MECOM: variants seen among roughly 807,000 people sequenced by gnomAD.
The protein encoded by MECOM is MDS1 and EVI1 complex locus, also known as histone-lysine N-methyltransferase MECOM.
Under a neutral mutation model 116.3 loss-of-function variants are expected in MECOM, and 13 were observed. The ratio of observed to expected loss-of-function variants is 0.11; its 90% CI spans 0.07 to 0.18. MECOM has a LOEUF of 0.18. Among genes scored for constraint, MECOM ranks in the 10% least tolerant of loss-of-function variants. The pLI, the probability that MECOM is intolerant of heterozygous loss-of-function variation, is 1.00. For missense variants in MECOM, 1,299 were observed against 1,509.0 expected (o/e 0.86, Z 2.31); for synonymous variants, 528 against 535.2 (o/e 0.99, Z 0.19).
intron 1 of MECOM, among the ~76,000 whole-genome samples, chr3:169,627,062 T>C (rs1771469660): frequency 6.6e-6 from 1 of 152,206 alleles, no homozygotes; most frequent in African/African-American, 2.4e-5. Context: ...ATCAATCAAT[T>C]AATCATTTTA....
At chr3:169,524,313 C>T (rs1048331221) in intron 1 of MECOM, among the ~76,000 whole-genome samples, 7 of 151,764 alleles carry the variant, frequency 4.6e-5, no homozygotes, top group African/African-American at 1.2e-4. Flanking sequence ...TAAAGAGTTG[C>T]GAAATAAAAG....
At chr3:169,103,565 A>T (rs1322805072) in intron 10 of MECOM, among the ~76,000 whole-genome samples, 2 of 152,216 alleles carry the variant, frequency 1.3e-5, no homozygotes, top group Non-Finnish European at 2.9e-5. Context: ...AAGACACATA[A>T]GAACTGAGAT....
chr3:169,518,596 CTTGTTTGT>C (rs1389903703), intron 1 of MECOM, among the ~76,000 whole-genome samples: 2 of 151,924 alleles, frequency 1.3e-5, no homozygotes, highest in Non-Finnish European at 2.9e-5. Flanking sequence ...CAGTTTTTTG[CTTGTTTGT>C]TTGTTTGCTT....
At chr3:169,181,690 A>G (rs1362955505) in intron 2 of MECOM, among the ~76,000 whole-genome samples, 1 of 152,212 alleles carries the variant, frequency 6.6e-6, no homozygotes, top group East Asian at 1.9e-4. Context: ...AGGGTTAGTG[A>G]CAGTGTGACC....
Position 169,090,074 on chromosome 3 carries a change from T to C in MECOM, c.3327A>G (p.Leu1109=). ...KTGKEPVTSN[L]HEGNPEDDYE... ...AGTCATCCTCAGGGTTTCCTTCATGTAAATTACTTGTCACTGGTTCCTTTC... is the reference window on the plus strand; with the variant it reads ...AGTCATCCTCAGGGTTTCCTTCATGCAAATTACTTGTCACTGGTTCCTTTC... Residue 1109 remains leucine (L), a synonymous_variant, in exon 15 of 17, where the codon TTA becomes TTG. Transcript: ENST00000651503. 6.2e-7 allele frequency: 1 copy of C among 1,613,676 alleles called. No homozygotes were observed. Among genetic ancestry groups the C allele is most frequent in the Non-Finnish European group, 8.5e-7 (1 of 1,179,686 alleles).
intron 1 of MECOM, among the ~76,000 whole-genome samples, chr3:169,625,217 T>C (rs1771222654): frequency 6.6e-6 from 1 of 152,164 alleles, no homozygotes; most frequent in Admixed American, 6.5e-5. Context: ...AACAATGATT[T>C]GCTTAGATTT....
Position 169,171,979 on chromosome 3 carries a change from T to C in MECOM, c.376-28147A>G, listed in dbSNP as rs149938338. On this transcript the variant is annotated intron_variant, in intron 2 of 16. Transcript: ENST00000651503. Reference sequence around the variant, plus strand: ...TTAAACCAACATTCAATGGGTTCTATCCAAAGTAGACCATAAGACAGAGAA... The same window carrying C: ...TTAAACCAACATTCAATGGGTTCTACCCAAAGTAGACCATAAGACAGAGAA... 2.7e-3 allele frequency among the ~76,000 whole-genome samples: 411 copies of C among 152,188 alleles called. 1 individual carries two copies. The highest frequency in any genetic ancestry group is 7.9e-3 in the African/African-American group (330 of 41,520).
intron 2 of MECOM, among the ~76,000 whole-genome samples, chr3:169,223,453 A>G (rs1752370958): frequency 6.6e-6 from 1 of 151,730 alleles, no homozygotes. Flanking sequence ...TGTCCCTACA[A>G]AGGACATGAA....
intron 2 of MECOM, among the ~76,000 whole-genome samples, chr3:169,199,353 G>A (rs540928696): frequency 7.9e-5 from 12 of 152,096 alleles, no homozygotes; most frequent in African/African-American, 2.6e-4. Context: ...AGGAAAAATC[G>A]TGGGGAAAAA....
At position 169,115,763 on chromosome 3, in the gene MECOM, G is replaced by C. The variant is rs1454571704; in HGVS notation, c.2109C>G (p.Phe703Leu). 10 of 1,613,978 alleles carry C rather than the reference G, an allele frequency of 6.2e-6. No homozygotes were observed. The highest frequency in any genetic ancestry group is 4.5e-5 in the East Asian group (2 of 44,896). The change falls in exon 8 of 17, where the codon TTC becomes TTG. Residue 703 changes from phenylalanine to leucine, a missense_variant. By Grantham distance (22) the Phe-to-Leu change is conservative. Around this residue, in one of 6 missense-constraint regions of MECOM, gnomAD observed 340 missense variants for 312.6 expected, o/e 1.09. Coordinates refer to ENST00000651503, the MANE Select transcript of MECOM (RefSeq NM_004991.4). Reference sequence around the variant, plus strand: ...CAGGAAATGGGTACATTGATTGAGAGAATGCTGGAAAAAATGGGAGGGGAA... The same window carrying C: ...CAGGAAATGGGTACATTGATTGAGACAATGCTGGAAAAAATGGGAGGGGAA... The part of the protein sequence containing the change: ...SMFPLPFFPA[F>L]SQSMYPFPDR...
At chr3:169,599,327 A>G (rs1253462038) in intron 1 of MECOM, among the ~76,000 whole-genome samples, 1 of 152,120 alleles carries the variant, frequency 6.6e-6, no homozygotes, top group Non-Finnish European at 1.5e-5. Context: ...CATTCTGGCC[A>G]ACATGGTGAA....
chr3:169,628,588 T>C (rs1400905752), intron 1 of MECOM, among the ~76,000 whole-genome samples: 1 of 152,182 alleles, frequency 6.6e-6, no homozygotes, highest in East Asian at 1.9e-4. Context: ...CACAGCTATC[T>C]CTATACATTG....
intron 2 of MECOM, among the ~76,000 whole-genome samples, chr3:169,212,371 C>G (rs1290958105): frequency 6.6e-6 from 1 of 151,454 alleles, no homozygotes; most frequent in Non-Finnish European, 1.5e-5. Flanking sequence ...ATACCATGAC[C>G]TGAATAGCTC....
chr3:169,205,025 G>A (rs1295317896), intron 2 of MECOM, among the ~76,000 whole-genome samples: 2 of 152,226 alleles, frequency 1.3e-5, no homozygotes, highest in East Asian at 1.9e-4. Context: ...TTCCTCTGCC[G>A]TCCCTGGATG....
intron 2 of MECOM, among the ~76,000 whole-genome samples, chr3:169,268,528 T>C (rs761935790): frequency 2.0e-5 from 3 of 152,222 alleles, no homozygotes; most frequent in Non-Finnish European, 4.4e-5. Context: ...AGCTGTGTTG[T>C]TCTTGTACTG....
chr3:169,442,190 T>C (rs1397491998), intron 1 of MECOM, among the ~76,000 whole-genome samples: 3 of 152,046 alleles, frequency 2.0e-5, no homozygotes, highest in Admixed American at 2.0e-4. Context: ...CCTCCAAAAG[T>C]GCTGGGATTA....
intron 2 of MECOM, among the ~76,000 whole-genome samples, chr3:169,354,005 C>G (rs564007019): frequency 6.6e-6 from 1 of 151,798 alleles, no homozygotes; most frequent in Admixed American, 6.6e-5. Context: ...CCAGTAGATT[C>G]GCATAGCTGA....
intron 2 of MECOM, among the ~76,000 whole-genome samples, chr3:169,325,777 CG>C (rs1182017618): frequency 7.2e-5 from 11 of 152,050 alleles, no homozygotes; most frequent in Non-Finnish European, 1.5e-4. Context: ...ATGATTGGGT[CG>C]GGGGTGATAG....
chr3:169,521,403 G>C (rs1406371208), intron 1 of MECOM, among the ~76,000 whole-genome samples: 1 of 152,114 alleles, frequency 6.6e-6, no homozygotes, highest in East Asian at 1.9e-4. Context: ...AAGAGGAAAG[G>C]CTGCCTTTAC....
Sources: gnomAD v4.1 joint callset for allele counts (sites outside exome capture counted in the v4.1 genomes callset) on GRCh38, gnomAD v4.1.1 for gene constraint, gnomAD v4.1.1 regional missense constraint, MANE v1.5 for transcripts, NCBI Gene and HGNC (gene_info 2026-07-23, HGNC 2026-07-21) for gene names.